RIOK3: variants seen among roughly 807,000 people sequenced by gnomAD.
RIOK3 encodes RIO kinase 3.
RIOK3 carries 40 observed loss-of-function variants against 63.5 expected under a neutral mutation model. That is an observed-to-expected ratio of 0.63 (90% CI 0.49 to 0.82). The LOEUF (loss-of-function observed/expected upper bound fraction) is 0.82. Ranked by LOEUF, RIOK3 falls within the 40% of genes least tolerant of loss-of-function variation. RIOK3 has a pLI of 0.00. For synonymous variants in RIOK3, 193 were observed against 205.0 expected, an observed-to-expected ratio of 0.94 and a Z score of 0.50; for missense variants, 557 against 637.0, an observed-to-expected ratio of 0.87 and a Z score of 1.35.
chr18:23,467,570 C>G, intron 7 of RIOK3, 44 bp downstream of exon 7: 1 of 1,573,600 alleles, frequency 6.4e-7, no homozygotes, highest in Non-Finnish European at 8.7e-7. Context: ...AACTTAGTCT[C>G]TTCTCCCCAA....
At chr18:23,453,987 C>T (rs2057322054) in intron 1 of RIOK3, among the ~76,000 whole-genome samples, 1 of 152,214 alleles carries the variant, frequency 6.6e-6, no homozygotes, top group African/African-American at 2.4e-5. Context: ...GGCGCACCCT[C>T]CTCCCTCGAC....
chr18:23,462,420 C>T (rs558492735), intron 1 of RIOK3, among the ~76,000 whole-genome samples: 5 of 152,170 alleles, frequency 3.3e-5, no homozygotes, highest in Admixed American at 1.3e-4. Context: ...GGATTACAGG[C>T]GCGCGCCACC....
intron 1 of RIOK3, among the ~76,000 whole-genome samples, chr18:23,455,374 CTTTCT>C (rs2057332520): frequency 3.6e-5 from 5 of 138,526 alleles, no homozygotes; most frequent in South Asian, 4.5e-4. Flanking sequence ...TGCCCAACGT[CTTTCT>C]TTTTTTTTTT....
chr18:23,455,515 C>T (rs1364117513), intron 1 of RIOK3, among the ~76,000 whole-genome samples: 1 of 151,602 alleles, frequency 6.6e-6, no homozygotes, highest in East Asian at 1.9e-4. Context: ...GCCTCAGCCT[C>T]CCGAGTAGTG....
intron 12 of RIOK3, among the ~76,000 whole-genome samples, chr18:23,479,916 C>A (rs757498342): frequency 6.6e-5 from 10 of 152,090 alleles, no homozygotes; most frequent in Non-Finnish European, 1.2e-4. Flanking sequence ...ACACACACAG[C>A]AAAACATTTC....
In RIOK3 at chr18:23,464,584, G is replaced by A. The variant is rs1251472468; in HGVS notation, c.499G>A (p.Asp167Asn). The A allele has an allele frequency of 1.9e-6, 3 of 1,607,562 alleles. No homozygotes were observed. Among genetic ancestry groups the A allele is most frequent in the African/African-American group, 1.3e-5 (1 of 74,632 alleles). ...GKGKDITTKH[D>N]EVVCGRKNTA... ...AGGAAAAGATATCACCACCAAACAT[G>A]ATGAAGTAGTATGTGGGAGAAAGAA... The change falls in exon 5 of 13, where the codon GAT becomes AAT. Residue 167 changes from aspartate to asparagine, a missense_variant. Asp to Asn is a conservative substitution (Grantham distance 23, BLOSUM62 1). This residue lies in a region of RIOK3 where 243 missense variants were observed against 275.4 expected (regional missense o/e 0.88). Transcript: ENST00000339486.
intron 1 of RIOK3, among the ~76,000 whole-genome samples, chr18:23,456,126 T>G (rs2057339307): frequency 7.2e-6 from 1 of 138,296 alleles, no homozygotes; most frequent in African/African-American, 2.7e-5. Context: ...GAGATCGGAT[T>G]TCACCATGTT....
chr18:23,457,989 G>C (rs2057351356), intron 1 of RIOK3, among the ~76,000 whole-genome samples: 1 of 151,690 alleles, frequency 6.6e-6, no homozygotes, highest in African/African-American at 2.4e-5. Context: ...CCACCCCTGG[G>C]CTCAAGCAAT....
chr18:23,467,636 T>TTTA lies in RIOK3; in HGVS notation c.815+111_815+113dup, dbSNP rs1254204577. 2.1e-5 allele frequency: 23 copies of TTTA among 1,069,868 alleles called. No homozygotes were observed. The East Asian group carries it at 5.6e-4, about 26-fold the overall frequency. 66.3% of individuals were successfully genotyped at this position (1,069,868 alleles called of 1,614,324 possible). A position where few individuals can be genotyped will look rare whatever the true frequency, so the allele number is the denominator to read the frequency against. ...ATGCTGCATGGCAAGCAGAGTAATTTTTAAAGTGTTATTGTAGAAAGTCTA... is the reference window on the plus strand; with the variant it reads ...ATGCTGCATGGCAAGCAGAGTAATTTTTATTAAAGTGTTATTGTAGAAAGTCTA... On this transcript the variant is annotated intron_variant, in intron 7 of 12. Transcript: ENST00000339486.
Position 23,481,259 on chromosome 18 carries a change from C to A in RIOK3, c.1540C>A (p.Pro514Thr). The part of the protein sequence containing the change: ...ASFLKDDGDP[P>T]LLYDE The stretch of plus-strand genomic sequence containing the variant: ...ATTTTTGAAAGATGATGGAGACCCA[C>A]CACTACTATATGATGAATAGCACTA... Residue 514 changes from proline to threonine, a missense_variant, in exon 13 of 13, where the codon CCA becomes ACA. Physicochemically the swap from Pro to Thr is conservative, Grantham distance 38 (BLOSUM62 -1). Around this residue, in one of 3 missense-constraint regions of RIOK3, gnomAD observed 309 missense variants for 338.7 expected, o/e 0.91. Transcript: ENST00000339486. 6.2e-7 allele frequency: 1 copy of A among 1,604,168 alleles called. No homozygotes were observed. The highest frequency in any genetic ancestry group is 8.5e-7 in the Non-Finnish European group (1 of 1,172,752).
Position 23,482,617 on chromosome 18 carries a change from A to C in RIOK3, c.*1338A>C, listed in dbSNP as rs1193999564. 6.6e-6 allele frequency: 1 copy of C among 152,204 alleles called. No homozygotes were observed. Among genetic ancestry groups the C allele is most frequent in the Non-Finnish European group, 1.5e-5 (1 of 68,046 alleles). The allele number at this position is 152,204 out of a possible 1,614,324, so 9.4% of individuals were successfully genotyped here. ...TAGTACGTGCTGGACACCACTTTTA[A>C]AAAGCAATCACTGTGCTAGAAAAGT... is the stretch of plus-strand genomic sequence containing the variant. On this transcript the variant is annotated 3_prime_UTR_variant, in exon 13 of 13. Transcript: ENST00000339486.
At chr18:23,478,230 C>A (rs1002632345) in intron 11 of RIOK3, among the ~76,000 whole-genome samples, 1 of 152,046 alleles carries the variant, frequency 6.6e-6, no homozygotes, top group Non-Finnish European at 1.5e-5. Context: ...GGGACAGTCT[C>A]TATTGTGGGA....
intron 6 of RIOK3, 25 bp from the exon 7 acceptor site, chr18:23,467,374 A>G: frequency 6.3e-7 from 1 of 1,592,320 alleles, no homozygotes. Context: ...AGTCATTTTC[A>G]CTTACAGTGC....
intron 12 of RIOK3, among the ~76,000 whole-genome samples, chr18:23,480,726 G>A (rs1338203365): frequency 6.6e-6 from 1 of 152,094 alleles, no homozygotes; most frequent in Non-Finnish European, 1.5e-5. Flanking sequence ...GGCCAAGGAG[G>A]GAGGATCTCT....
At chr18:23,460,699 A>C (rs907801766) in intron 1 of RIOK3, among the ~76,000 whole-genome samples, 1 of 152,202 alleles carries the variant, frequency 6.6e-6, no homozygotes, top group Non-Finnish European at 1.5e-5. Flanking sequence ...TTTGAAACTG[A>C]TCAGATGAAA....
chr18:23,453,646 G>T, intron 1 of RIOK3, 144 bp downstream of exon 1: 1 of 724,662 alleles, frequency 1.4e-6, no homozygotes, highest in South Asian at 1.5e-5. Flanking sequence ...ACTGGCCGCG[G>T]GGGTGCCGGG....
At chr18:23,464,481 C>T (rs779934924) in intron 4 of RIOK3, 38 bp from the exon 5 acceptor site, 9 of 1,395,800 alleles carry the variant, frequency 6.4e-6, no homozygotes, top group Non-Finnish European at 9.0e-6. Context: ...GTAGTCTTTG[C>T]TATTTTTATA....
intron 1 of RIOK3, among the ~76,000 whole-genome samples, chr18:23,454,117 G>A (rs1258882646): frequency 3.3e-5 from 5 of 152,170 alleles, no homozygotes; most frequent in Non-Finnish European, 7.4e-5. Context: ...TTTCACATTT[G>A]CTTTCTGGTT....
intron 7 of RIOK3, among the ~76,000 whole-genome samples, chr18:23,472,251 G>A (rs2057461458): frequency 1.3e-5 from 2 of 151,838 alleles, no homozygotes; most frequent in African/African-American, 4.8e-5. Context: ...AAAGAAATGT[G>A]GGAGTTGTCT....
Sources: allele counts gnomAD v4.1 joint callset (sites outside exome capture counted in the v4.1 genomes callset), GRCh38; gene constraint gnomAD v4.1.1; regional missense constraint gnomAD v4.1.1; transcripts MANE v1.5; gene names NCBI Gene and HGNC (gene_info 2026-07-23, HGNC 2026-07-21).